The following PDE5A variants were observed in gnomAD, a reference collection of about 807,000 sequenced individuals.
PDE5A encodes the protein phosphodiesterase 5A.
Under a neutral mutation model 110.2 loss-of-function variants are expected in PDE5A, and 67 were observed. That is an observed-to-expected ratio of 0.61 (90% CI 0.50 to 0.75). The LOEUF is 0.75. Among genes scored for constraint, PDE5A ranks in the 30% least tolerant of loss-of-function variants. PDE5A has a pLI of 0.00. For missense variants in PDE5A, 862 were observed against 1,045.1 expected, an observed-to-expected ratio of 0.82 and a Z score of 2.42; for synonymous variants, 328 against 351.2, an observed-to-expected ratio of 0.93 and a Z score of 0.74.
chr4:119,601,503 A>T (rs1405682545), intron 2 of PDE5A, among the ~76,000 whole-genome samples: 1 of 148,766 alleles, frequency 6.7e-6, no homozygotes, highest in African/African-American at 2.5e-5. Flanking sequence ...GCTGCTCCTG[A>T]GTTGTATGTA....
intron 7 of PDE5A, among the ~76,000 whole-genome samples, chr4:119,559,579 ATCT>A (rs1259359010): frequency 6.6e-6 from 1 of 152,158 alleles, no homozygotes; most frequent in Non-Finnish European, 1.5e-5. Context: ...ACTTTCTAAA[ATCT>A]TCTTTCCAAA....
intron 9 of PDE5A, among the ~76,000 whole-genome samples, chr4:119,544,604 AATT>A (rs1727069180): frequency 6.6e-6 from 1 of 152,184 alleles, no homozygotes; most frequent in African/African-American, 2.4e-5. Context: ...ATCACAATGG[AATT>A]GCCTTTCAGT....
intron 3 of PDE5A, among the ~76,000 whole-genome samples, chr4:119,588,425 C>G (rs541706243): frequency 6.6e-6 from 1 of 151,814 alleles, no homozygotes; most frequent in Admixed American, 6.6e-5. Flanking sequence ...GATCCACCCC[C>G]CTTAGCCTCC....
chr4:119,548,859 C>T (rs1727236395), intron 9 of PDE5A: 1 of 152,054 alleles, frequency 6.6e-6, no homozygotes, highest in Non-Finnish European at 1.5e-5. Flanking sequence ...ATTTACAATT[C>T]TCTAACTGGG....
intron 11 of PDE5A, among the ~76,000 whole-genome samples, chr4:119,534,421 C>T (rs1388294035): frequency 6.6e-6 from 1 of 151,864 alleles, no homozygotes; most frequent in South Asian, 2.1e-4. Context: ...GTTGCATGCT[C>T]CTTATGAGAA....
At chr4:119,551,502 G>C (rs1204158917) in intron 9 of PDE5A, among the ~76,000 whole-genome samples, 1 of 152,150 alleles carries the variant, frequency 6.6e-6, no homozygotes, top group Non-Finnish European at 1.5e-5. Context: ...CAGAGGGACT[G>C]GGAATTGGAA....
Position 119,606,700 on chromosome 4 carries a change from C to T in PDE5A, c.741+9G>A. 1 of 1,606,110 alleles carries T rather than the reference C, an allele frequency of 6.2e-7. No individual in the cohort carries two copies. On this transcript the variant is annotated intron_variant, in intron 2 of 20. Coordinates refer to ENST00000354960, the MANE Select transcript of PDE5A (RefSeq NM_001083.4). ...AGCACTGGTCCTGCTCTCATGCTCCCCTGTTTACCTCATATGCATCTTTGA... is the reference window on the plus strand; with the variant it reads ...AGCACTGGTCCTGCTCTCATGCTCCTCTGTTTACCTCATATGCATCTTTGA...
At chr4:119,604,882 G>C (rs60308574) in intron 2 of PDE5A, among the ~76,000 whole-genome samples, 2,738 of 152,144 alleles carry the variant, frequency 0.018, 83 homozygotes, top group African/African-American at 0.062. Context: ...AATTACTTTT[G>C]CACCAACCTA....
chr4:119,609,117 G>C (rs551033823), intron 1 of PDE5A, among the ~76,000 whole-genome samples: 1 of 151,782 alleles, frequency 6.6e-6, no homozygotes. Flanking sequence ...AGCTGAGATC[G>C]CGCCATTGCA....
chr4:119,553,854 CAT>C (rs1239347558), intron 7 of PDE5A, 108 bp from the exon 8 acceptor site: 5 of 622,526 alleles, frequency 8.0e-6, no homozygotes, highest in Non-Finnish European at 1.4e-5. Flanking sequence ...AATTATAAGG[CAT>C]ATATACTTAT....
chr4:119,565,189 AG>A, intron 5 of PDE5A, 131 bp downstream of exon 5: 1 of 636,970 alleles, frequency 1.6e-6, no homozygotes, highest in Non-Finnish European at 2.8e-6. Flanking sequence ...AATGACTACT[AG>A]AAAAAATAAA....
chr4:119,535,626 G>T (rs1044749328), intron 11 of PDE5A, among the ~76,000 whole-genome samples: 1 of 152,016 alleles, frequency 6.6e-6, no homozygotes, highest in African/African-American at 2.4e-5. Flanking sequence ...AAAGATATAT[G>T]CAAAATGCTC....
At chr4:119,561,057 G>A (rs1677855587) in intron 6 of PDE5A, among the ~76,000 whole-genome samples, 1 of 152,176 alleles carries the variant, frequency 6.6e-6, no homozygotes, top group African/African-American at 2.4e-5. Context: ...GGAGACCAAG[G>A]TTGCAGTGAG....
In PDE5A at chr4:119,498,357, A is replaced by C. The variant is rs201437363; in HGVS notation, c.*244T>G. ...AAATATCACAAACAATGCTTTTATC[A>C]ATGTGCTAACAGTGGATGTTGTTGA... On this transcript the variant is annotated 3_prime_UTR_variant, in exon 21 of 21. Coordinates refer to ENST00000354960, the MANE Select transcript of PDE5A (RefSeq NM_001083.4). 2 of 417,532 alleles carry C rather than the reference A, an allele frequency of 4.8e-6. No homozygotes were observed. The highest frequency in any genetic ancestry group is 8.6e-6 in the Non-Finnish European group (2 of 232,146). 25.9% of individuals were successfully genotyped at this position (417,532 alleles called of 1,614,324 possible). A position where few individuals can be genotyped will look rare whatever the true frequency, so the allele number is the denominator to read the frequency against.
chr4:119,536,805 T>C (rs1411072068), intron 11 of PDE5A, among the ~76,000 whole-genome samples: 7 of 152,134 alleles, frequency 4.6e-5, no homozygotes, highest in Non-Finnish European at 1.0e-4. Context: ...CCAGACTGCC[T>C]GGATTTAGTA....
In PDE5A at chr4:119,597,497, T is replaced by C. The variant is rs80064976; in HGVS notation, c.742-885A>G. Among the ~76,000 whole-genome samples, 177 of 152,140 alleles carry C rather than the reference T, an allele frequency of 1.2e-3. 1 individual carries two copies. The highest frequency in any genetic ancestry group is 3.8e-3 in the African/African-American group (156 of 41,552). On this transcript the variant is annotated intron_variant, in intron 2 of 20. Coordinates refer to ENST00000354960, the MANE Select transcript of PDE5A (RefSeq NM_001083.4). ...GGAAAACCAAAGTAGAGGAAATCAA[T>C]AGCTACAACAACATGAGGTTAGAGT...
intron 3 of PDE5A, among the ~76,000 whole-genome samples, chr4:119,592,068 T>TG (rs1463636440): frequency 2.2e-5 from 3 of 138,648 alleles, no homozygotes; most frequent in African/African-American, 8.2e-5. Context: ...GAGAATTGCT[T>TG]GAACCCGGGA....
At chr4:119,586,200 C>G (rs879563448) in intron 3 of PDE5A, among the ~76,000 whole-genome samples, 2 of 152,186 alleles carry the variant, frequency 1.3e-5, no homozygotes, top group Admixed American at 1.3e-4. Context: ...ATCTAGACTT[C>G]TAAATCCAGG....
Position 119,514,583 on chromosome 4 carries a change from C to T in PDE5A, c.2001-3449G>A, listed in dbSNP as rs150848538. On this transcript the variant is annotated intron_variant, in intron 14 of 20. Transcript: ENST00000354960. ...TTTTGACCTCAGAATTCTCTGACCTCCTTGACACTACTGATTATCTCTTTG... is the reference window on the plus strand; with the variant it reads ...TTTTGACCTCAGAATTCTCTGACCTTCTTGACACTACTGATTATCTCTTTG... Among the ~76,000 whole-genome samples the T allele has an allele frequency of 5.8e-3, 877 of 151,998 alleles. 8 individuals carry two copies. The highest frequency in any genetic ancestry group is 0.02 in the African/African-American group (836 of 41,452).
Sources: allele counts gnomAD v4.1 joint callset (sites outside exome capture counted in the v4.1 genomes callset), GRCh38; gene constraint gnomAD v4.1.1; transcripts MANE v1.5; gene names NCBI Gene and HGNC (gene_info 2026-07-23, HGNC 2026-07-21).